SEL1L2: variants seen among roughly 807,000 people sequenced by gnomAD.
The protein encoded by SEL1L2 is SEL1L2 adaptor subunit of SYVN1 ubiquitin ligase.
In SEL1L2, 89 loss-of-function variants were observed where a neutral mutation model predicts 98.8. The ratio of observed to expected loss-of-function variants is 0.90; its 90% CI spans 0.76 to 1.07. SEL1L2 has a LOEUF of 1.07. Among genes scored for constraint, SEL1L2 ranks in the 50% least tolerant of loss-of-function variants. The pLI, the probability that SEL1L2 is intolerant of heterozygous loss-of-function variation, is 0.00. For synonymous variants in SEL1L2, 262 were observed against 278.5 expected (o/e 0.94, Z 0.59); for missense variants, 788 against 812.0 (o/e 0.97, Z 0.36).
At chr20:13,859,974 G>T (rs1175269447) in intron 17 of SEL1L2, among the ~76,000 whole-genome samples, 1 of 152,204 alleles carries the variant, frequency 6.6e-6, no homozygotes, top group Non-Finnish European at 1.5e-5. Flanking sequence ...AAAGTGCTGG[G>T]ATTACAGGCG....
At chr20:13,856,913 C>T (rs1018814425) in intron 18 of SEL1L2, among the ~76,000 whole-genome samples, 27 of 152,110 alleles carry the variant, frequency 1.8e-4, no homozygotes, top group African/African-American at 6.3e-4. Context: ...TGAAGAAATG[C>T]TTAATTACTT....
At chr20:13,899,851 A>G (rs2047591091) in intron 5 of SEL1L2, among the ~76,000 whole-genome samples, 1 of 152,206 alleles carries the variant, frequency 6.6e-6, no homozygotes, top group South Asian at 2.1e-4. Context: ...ATGTTGAATT[A>G]TCTTAATATT....
intron 5 of SEL1L2, 72 bp downstream of exon 5, chr20:13,913,710 C>T (rs963062884): frequency 2.3e-6 from 3 of 1,326,954 alleles, no homozygotes; most frequent in Non-Finnish European, 2.0e-6. Context: ...TATTGCTCAA[C>T]TCCTTTCACA....
At chr20:13,941,372 T>C (rs2049768889) in intron 2 of SEL1L2, among the ~76,000 whole-genome samples, 1 of 152,308 alleles carries the variant, frequency 6.6e-6, no homozygotes, top group East Asian at 1.9e-4. Flanking sequence ...GTAACGGTGG[T>C]CTTTGAATGC....
chr20:13,971,438 TTTG>T (rs2051279129), intron 1 of SEL1L2, among the ~76,000 whole-genome samples: 1 of 152,200 alleles, frequency 6.6e-6, no homozygotes, highest in South Asian at 2.1e-4. Context: ...TTTGTTTTGT[TTTG>T]TTGAGATGGG....
At chr20:13,873,352 A>T (rs1390968319) in intron 12 of SEL1L2, among the ~76,000 whole-genome samples, 3 of 151,476 alleles carry the variant, frequency 2.0e-5, no homozygotes, top group Admixed American at 6.6e-5. Context: ...TTACTCATTT[A>T]TTTTTATTTA....
chr20:13,994,532 T>C (rs2052597066), upstream of SEL1L2, among the ~76,000 whole-genome samples: 2 of 152,126 alleles, frequency 1.3e-5, no homozygotes, highest in Admixed American at 1.3e-4. Context: ...ATTTACAACA[T>C]CCACTCAATT....
chr20:13,954,001 A>G (rs1050604026), intron 2 of SEL1L2, among the ~76,000 whole-genome samples: 1 of 152,212 alleles, frequency 6.6e-6, no homozygotes, highest in Admixed American at 6.5e-5. Flanking sequence ...AGAACTCCTG[A>G]AAAAATTAGA....
At chr20:13,908,765 C>G (rs2048089723) in intron 5 of SEL1L2, among the ~76,000 whole-genome samples, 1 of 152,092 alleles carries the variant, frequency 6.6e-6, no homozygotes, top group South Asian at 2.1e-4. Flanking sequence ...CTGTTTATAA[C>G]CTTAATTGCT....
At chr20:13,944,166 T>C (rs2049907924) in intron 2 of SEL1L2, among the ~76,000 whole-genome samples, 1 of 152,058 alleles carries the variant, frequency 6.6e-6, no homozygotes, top group Admixed American at 6.5e-5. Context: ...ACTCCAGAGA[T>C]AGCATGGAGG....
At chr20:13,915,064 A>G (rs549293581) in intron 4 of SEL1L2, 4 of 1,256,144 alleles carry the variant, frequency 3.2e-6, no homozygotes, top group Admixed American at 2.5e-5. Context: ...ATACAGGGAA[A>G]AAAAACCCCA....
chr20:13,856,989 G>C (rs538403289), intron 18 of SEL1L2, among the ~76,000 whole-genome samples: 39 of 152,228 alleles, frequency 2.6e-4, no homozygotes, highest in African/African-American at 7.2e-4. Context: ...CAAGCTTTGG[G>C]CTTTTAATTA....
Position 13,990,585 on chromosome 20 carries a change from T to C in SEL1L2, c.-51A>G. 7.0e-7 allele frequency: 1 copy of C among 1,436,168 alleles called. No individual in the cohort carries two copies. The highest frequency in any genetic ancestry group is 9.8e-7 in the Non-Finnish European group (1 of 1,022,938). The allele number at this position is 1,436,168 out of a possible 1,614,324, so 89.0% of individuals were successfully genotyped here. On this transcript the variant is annotated 5_prime_UTR_variant, in exon 1 of 20. Coordinates refer to ENST00000284951, the MANE Select transcript of SEL1L2 (RefSeq NM_025229.2). The stretch of plus-strand genomic sequence containing the variant: ...TGTAACACAGGCAGAAACTAGGTGA[T>C]TGGCCCAAGAGCTCCTCTTCTCAGG...
rs62640920 is a variant in SEL1L2, at chr20:13,849,533, G to A, written c.2019C>T (p.Gly673=). 0.073 allele frequency: 117,362 copies of A among 1,613,746 alleles called. 4,887 individuals carry two copies. Among genetic ancestry groups the A allele is most frequent in the Middle Eastern group, 0.12 (735 of 6,058 alleles). The part of the protein sequence containing the change: ...IGPHWDLFVI[G]LIVPGLILLL... Reference sequence around the variant, plus strand: ...ACAAAATCAGCCCAGGAACAATGAGGCCAATCACAAATAAGTCCCAGTGTG... The same window carrying A: ...ACAAAATCAGCCCAGGAACAATGAGACCAATCACAAATAAGTCCCAGTGTG... The change falls in exon 20 of 20, where the codon GGC becomes GGT. Residue 673 remains glycine (G), a synonymous_variant. Coordinates refer to ENST00000284951, the MANE Select transcript of SEL1L2 (RefSeq NM_025229.2).
chr20:13,914,576 T>C (rs775391497), intron 4 of SEL1L2, among the ~76,000 whole-genome samples: 1 of 152,198 alleles, frequency 6.6e-6, no homozygotes, highest in Non-Finnish European at 1.5e-5. Context: ...GTTGGAGAAC[T>C]TCAGCCAAGT....
chr20:13,852,444 G>A (rs560191957), intron 18 of SEL1L2, among the ~76,000 whole-genome samples: 6 of 152,174 alleles, frequency 3.9e-5, no homozygotes, highest in African/African-American at 1.4e-4. Context: ...AGAAATTTTA[G>A]TACTAGACTA....
Position 13,865,375 on chromosome 20 carries a change from CTT to C in SEL1L2, c.1542_1543del (p.Ser515GlnfsTer9), listed in dbSNP as rs1173069730. 9 of 1,613,968 alleles carry C rather than the reference CTT, an allele frequency of 5.6e-6. No individual in the cohort carries two copies. Among genetic ancestry groups the C allele is most frequent in the Non-Finnish European group, 7.6e-6 (9 of 1,180,000 alleles). On this transcript the variant is annotated frameshift_variant, in exon 16 of 20. Coordinates refer to ENST00000284951, the MANE Select transcript of SEL1L2 (RefSeq NM_025229.2). LOFTEE classifies it high-confidence loss of function. ...AGATTCCAAAATGAATGCTGAATTGCTTTGAGCTACTTCATACCCCATTTCTG... is the reference window on the plus strand; with the variant it reads ...AGATTCCAAAATGAATGCTGAATTGCTGAGCTACTTCATACCCCATTTCTG...
chr20:13,986,621 T>A (rs1402708781), intron 1 of SEL1L2, among the ~76,000 whole-genome samples: 2 of 152,230 alleles, frequency 1.3e-5, no homozygotes, highest in African/African-American at 4.8e-5. Flanking sequence ...TATATTCCAA[T>A]GTATATACCA....
intron 13 of SEL1L2, 93 bp from the exon 14 acceptor site, chr20:13,869,683 C>T: frequency 2.3e-6 from 2 of 869,772 alleles, no homozygotes; most frequent in Admixed American, 2.0e-5. Flanking sequence ...ATAGACAGTG[C>T]CCTATGTGAT....
Sources: gnomAD v4.1 joint callset for allele counts (sites outside exome capture counted in the v4.1 genomes callset) on GRCh38, gnomAD v4.1.1 for gene constraint, MANE v1.5 for transcripts, NCBI Gene and HGNC (gene_info 2026-07-23, HGNC 2026-07-21) for gene names.